SDK1: variants seen among roughly 807,000 people sequenced by gnomAD.
SDK1 encodes protein sidekick-1.
SDK1 carries 157 observed loss-of-function variants against 245.5 expected under a neutral mutation model. The observed-to-expected ratio is 0.64, with a 90% CI of 0.56 to 0.73. SDK1 has a LOEUF of 0.73. Ranked by LOEUF, SDK1 falls within the 30% of genes least tolerant of loss-of-function variation. The pLI is 0.00. For missense variants in SDK1, 3,583 were observed against 3,002.3 expected (o/e 1.19, Z -4.52); for synonymous variants, 1,647 against 1,278.5 (o/e 1.29, Z -6.15).
chr7:4,265,598 GTTTCTT>G lies in SDK1; in HGVS notation c.*223_*228del. ...TAACTTCGCTGCAGGAAGCAGGTTT[GTTTCTT>G]TTTCTTTTCTTTTTAAGAGAAGGTG... is the stretch of plus-strand genomic sequence containing the variant. On this transcript the variant is annotated 3_prime_UTR_variant, in exon 45 of 45. Transcript: ENST00000404826. The G allele has an allele frequency of 7.5e-7, 1 of 1,339,148 alleles. No homozygotes were observed. The allele number at this position is 1,339,148 out of a possible 1,614,324, so 83.0% of individuals were successfully genotyped here.
rs185362693 is a variant in SDK1, at chr7:3,612,671, G to A, written c.299-6409G>A. On this transcript the variant is annotated intron_variant, in intron 1 of 44. Transcript: ENST00000404826. ...GAAAATGTTTGAATTTGATATAAAA[G>A]AAGTTTTGAAAGGAAGATTAGTGGT... Among the ~76,000 whole-genome samples, 210 of 152,272 alleles carry A rather than the reference G, an allele frequency of 1.4e-3. 1 individual carries two copies. Among genetic ancestry groups the A allele is most frequent in the African/African-American group, 4.9e-3 (204 of 41,558 alleles).
chr7:3,855,789 G>A (rs2115109442), intron 5 of SDK1, among the ~76,000 whole-genome samples: 1 of 152,278 alleles, frequency 6.6e-6, no homozygotes, highest in South Asian at 2.1e-4. Flanking sequence ...GGATGTGGAG[G>A]CTCTTTTAGT....
At chr7:3,529,955 C>G (rs112054506) in intron 1 of SDK1, among the ~76,000 whole-genome samples, 10 of 152,096 alleles carry the variant, frequency 6.6e-5, no homozygotes, top group Non-Finnish European at 1.0e-4. Context: ...GAGGGACAGG[C>G]CTGAACTCTT....
intron 28 of SDK1, among the ~76,000 whole-genome samples, chr7:4,135,745 C>T (rs1014586469): frequency 3.9e-5 from 6 of 152,214 alleles, no homozygotes; most frequent in African/African-American, 1.4e-4. Flanking sequence ...AGAACAGTGC[C>T]TGCCACATAG....
At chr7:4,162,449 G>C (rs766187068) in intron 32 of SDK1, among the ~76,000 whole-genome samples, 2 of 150,350 alleles carry the variant, frequency 1.3e-5, no homozygotes, top group Non-Finnish European at 3.0e-5. Flanking sequence ...CACCAGGCTG[G>C]AGTGCAGTGG....
intron 44 of SDK1, among the ~76,000 whole-genome samples, chr7:4,261,681 A>G (rs76550549): frequency 6.6e-6 from 1 of 152,084 alleles, no homozygotes; most frequent in Non-Finnish European, 1.5e-5. Context: ...GCCTCGATAC[A>G]CAGCTGATGA....
intron 4 of SDK1, among the ~76,000 whole-genome samples, chr7:3,687,207 C>G (rs1230215029): frequency 2.0e-5 from 3 of 148,474 alleles, no homozygotes; most frequent in Non-Finnish European, 4.4e-5. Flanking sequence ...GAGTCTCTCT[C>G]TGTCGCCAGG....
chr7:4,112,466 A>G (rs1212180346), intron 23 of SDK1, among the ~76,000 whole-genome samples: 3 of 152,204 alleles, frequency 2.0e-5, no homozygotes, highest in South Asian at 2.1e-4. Flanking sequence ...CTTCTCCTGA[A>G]CCAACAGAAG....
intron 1 of SDK1, among the ~76,000 whole-genome samples, chr7:3,599,394 T>C (rs1009112876): frequency 2.6e-5 from 4 of 152,230 alleles, no homozygotes; most frequent in Non-Finnish European, 5.9e-5. Flanking sequence ...TAATGTGGTT[T>C]GCCTGTATTT....
rs74964781 is a variant in SDK1, at chr7:3,651,249, T to A, written c.713+9144T>A. 9.1e-3 allele frequency among the ~76,000 whole-genome samples: 1,378 copies of A among 152,264 alleles called. 6 individuals are homozygous for A. The highest frequency in any genetic ancestry group is 0.024 in the Middle Eastern group (7 of 294). On this transcript the variant is annotated intron_variant, in intron 4 of 44. Transcript: ENST00000404826. ...GCTTCCTCACTAGCATTTGGTGTTG[T>A]CATGATTTTTTATTTTAGTCATTCT...
At chr7:3,599,635 G>C (rs1294029785) in intron 1 of SDK1, among the ~76,000 whole-genome samples, 1 of 152,094 alleles carries the variant, frequency 6.6e-6, no homozygotes, top group Non-Finnish European at 1.5e-5. Flanking sequence ...AATTTGTATA[G>C]AAGGTGTGAA....
In SDK1 at chr7:4,230,446, G is replaced by A. The variant is rs150100664; in HGVS notation, c.5828-2809G>A. 3.4e-3 allele frequency among the ~76,000 whole-genome samples: 487 copies of A among 143,614 alleles called. 6 individuals carry two copies. Among genetic ancestry groups the A allele is most frequent in the African/African-American group, 0.012 (465 of 38,418 alleles). 94.2% of individuals were successfully genotyped at this position (143,614 alleles called of 152,430 possible). Reference sequence around the variant, plus strand: ...AGGGAAGGGAAGGGAGGGCACAGGAGGAGAGGGAAGGGGAGTGGAGGGCAG... The same window carrying A: ...AGGGAAGGGAAGGGAGGGCACAGGAAGAGAGGGAAGGGGAGTGGAGGGCAG... On this transcript the variant is annotated intron_variant, in intron 40 of 44. Coordinates refer to ENST00000404826, the MANE Select transcript of SDK1 (RefSeq NM_152744.4).
chr7:3,471,030 C>G (rs954049431), intron 1 of SDK1, among the ~76,000 whole-genome samples: 2 of 152,150 alleles, frequency 1.3e-5, no homozygotes, highest in African/African-American at 2.4e-5. Flanking sequence ...AGTTGACCAA[C>G]AAGATTCCAT....
At chr7:4,150,756 T>C (rs1780312235) in intron 30 of SDK1, among the ~76,000 whole-genome samples, 1 of 151,972 alleles carries the variant, frequency 6.6e-6, no homozygotes, top group Admixed American at 6.6e-5. Context: ...CTGATTGGAG[T>C]GTGGGTGTAA....
At chr7:3,552,022 G>T in intron 1 of SDK1, among the ~76,000 whole-genome samples, 1 of 151,888 alleles carries the variant, frequency 6.6e-6, no homozygotes, top group Non-Finnish European at 1.5e-5. Context: ...AAACATGAAA[G>T]ATTTTACTCT....
chr7:3,641,278 A>T (rs895591659), intron 3 of SDK1, among the ~76,000 whole-genome samples: 3 of 152,124 alleles, frequency 2.0e-5, no homozygotes, highest in Admixed American at 6.5e-5. Context: ...CTTATTCAAA[A>T]TTTTCAAATG....
intron 44 of SDK1, among the ~76,000 whole-genome samples, chr7:4,251,143 G>C (rs990657391): frequency 6.6e-6 from 1 of 152,074 alleles, no homozygotes; most frequent in Non-Finnish European, 1.5e-5. Flanking sequence ...ATTATATGGG[G>C]GGAAATTCCA....
rs577030604 is a variant in SDK1 at position 4,128,199 on chromosome 7, G to A, written c.3939+703G>A. 3.3e-5 allele frequency among the ~76,000 whole-genome samples: 5 copies of A among 152,296 alleles called. No homozygotes were observed. In the South Asian group the frequency reaches 8.3e-4, roughly 25 times the overall value. The stretch of plus-strand genomic sequence containing the variant: ...TTTCGGACCCGGCCAGCGAGGCCAC[G>A]CTTGTCTCAGTGCTGCTCCCTGGGT... On this transcript the variant is annotated intron_variant, in intron 26 of 44. Transcript: ENST00000404826.
intron 38 of SDK1, among the ~76,000 whole-genome samples, chr7:4,214,987 A>G (rs954475715): frequency 2.6e-5 from 4 of 152,166 alleles, no homozygotes; most frequent in African/African-American, 7.2e-5. Flanking sequence ...CCTGCCCCCC[A>G]GTGCCACCCA....
Sources: allele counts gnomAD v4.1 joint callset (sites outside exome capture counted in the v4.1 genomes callset), GRCh38; gene constraint gnomAD v4.1.1; transcripts MANE v1.5; gene names NCBI Gene and HGNC (gene_info 2026-07-23, HGNC 2026-07-21).